The following DIP2B variants were observed in gnomAD, a reference collection of about 807,000 sequenced individuals.
The protein encoded by DIP2B is disco-interacting protein 2 homolog B.
A neutral mutation model predicts 198.0 loss-of-function variants in DIP2B; 76 were observed. That is an observed-to-expected ratio of 0.38 (90% CI 0.32 to 0.46). The LOEUF is 0.46. Among genes scored for constraint, DIP2B ranks in the 20% least tolerant of loss-of-function variants. DIP2B has a pLI of 0.99. For synonymous variants in DIP2B, 701 were observed against 739.1 expected, an observed-to-expected ratio of 0.95 and a Z score of 0.84; for missense variants, 1,559 against 1,978.4, an observed-to-expected ratio of 0.79 and a Z score of 4.02.
At chr12:50,513,171 A>G (rs1958033483) in intron 1 of DIP2B, among the ~76,000 whole-genome samples, 1 of 152,220 alleles carries the variant, frequency 6.6e-6, no homozygotes, top group African/African-American at 2.4e-5. Flanking sequence ...GGCAGTTTTT[A>G]ATATCTTGTG....
At chr12:50,563,799 T>A (rs1593612313) in intron 1 of DIP2B, among the ~76,000 whole-genome samples, 1 of 77,848 alleles carries the variant, frequency 1.3e-5, no homozygotes, top group Admixed American at 1.5e-4. Context: ...CCCAGCCTAA[T>A]TTTTTTTTTT....
chr12:50,707,643 GAGAC>G (rs1939538142), intron 21 of DIP2B, among the ~76,000 whole-genome samples: 1 of 152,152 alleles, frequency 6.6e-6, no homozygotes, highest in Non-Finnish European at 1.5e-5. Context: ...CTTGTTGTGG[GAGAC>G]AGACAGGAAC....
intron 1 of DIP2B, among the ~76,000 whole-genome samples, chr12:50,621,168 G>A (rs549098328): frequency 6.6e-6 from 1 of 152,342 alleles, no homozygotes; most frequent in Admixed American, 6.5e-5. Context: ...ACTATAAGTG[G>A]TGGCAACCAC....
intron 1 of DIP2B, among the ~76,000 whole-genome samples, chr12:50,615,326 C>T (rs1937678963): frequency 1.3e-5 from 2 of 151,920 alleles, no homozygotes; most frequent in Admixed American, 6.6e-5. Flanking sequence ...CTGTTTTGTG[C>T]ATAATAGCAT....
At chr12:50,525,103 A>T (rs1396546710) in intron 1 of DIP2B, among the ~76,000 whole-genome samples, 5 of 152,064 alleles carry the variant, frequency 3.3e-5, no homozygotes, top group African/African-American at 7.2e-5. Context: ...CACACCTGTA[A>T]TCCCAGCACT....
intron 2 of DIP2B, among the ~76,000 whole-genome samples, chr12:50,639,624 A>C (rs760543900): frequency 6.7e-6 from 1 of 149,232 alleles, no homozygotes; most frequent in Non-Finnish European, 1.5e-5. Context: ...TTTGCTTTAT[A>C]GGCTGATTCT....
In DIP2B at chr12:50,694,217, C is replaced by T. The variant is rs373721971; in HGVS notation, c.1720-1050C>T. The stretch of plus-strand genomic sequence containing the variant: ...GCATTTTAAAAGCATATACCACAGC[C>T]GGGCACTGTGACTCAGGCCTGTAAT... On this transcript the variant is annotated intron_variant, in intron 14 of 37. Coordinates refer to ENST00000301180, the MANE Select transcript of DIP2B (RefSeq NM_173602.3). Among the ~76,000 whole-genome samples, 90 of 152,210 alleles carry T rather than the reference C, an allele frequency of 5.9e-4. No individual in the cohort carries two copies. In the South Asian group the frequency reaches 0.017, roughly 28 times the overall value.
intron 1 of DIP2B, among the ~76,000 whole-genome samples, chr12:50,608,790 CTT>C (rs1354984513): frequency 2.0e-5 from 3 of 152,090 alleles, no homozygotes; most frequent in Admixed American, 1.3e-4. Flanking sequence ...ACCATATTTA[CTT>C]TTGTAAGAAT....
chr12:50,587,729 T>G (rs1958783231), intron 1 of DIP2B, among the ~76,000 whole-genome samples: 1 of 152,240 alleles, frequency 6.6e-6, no homozygotes, highest in South Asian at 2.1e-4. Context: ...AATTTGTTTT[T>G]GAAAGCTGAA....
At chr12:50,729,521 A>G (rs1272972813) in intron 30 of DIP2B, among the ~76,000 whole-genome samples, 1 of 152,006 alleles carries the variant, frequency 6.6e-6, no homozygotes, top group Non-Finnish European at 1.5e-5. Context: ...TGATCTATAA[A>G]CAGGTTTAGG....
chr12:50,545,105 C>A (rs953767053), intron 1 of DIP2B, among the ~76,000 whole-genome samples: 1 of 151,904 alleles, frequency 6.6e-6, no homozygotes, highest in African/African-American at 2.4e-5. Context: ...TTGGCTTTTG[C>A]GAATGTTTTG....
intron 9 of DIP2B, among the ~76,000 whole-genome samples, 190 bp downstream of exon 9, chr12:50,680,953 T>C (rs1424244692): frequency 6.6e-6 from 1 of 152,206 alleles, no homozygotes; most frequent in Non-Finnish European, 1.5e-5. Flanking sequence ...ATTCCTGGGT[T>C]GAAGGAAATT....
At chr12:50,624,217 A>G (rs1937886929) in intron 1 of DIP2B, among the ~76,000 whole-genome samples, 1 of 152,174 alleles carries the variant, frequency 6.6e-6, no homozygotes, top group Non-Finnish European at 1.5e-5. Context: ...AGATAAAACC[A>G]ACTGTTGATT....
intron 22 of DIP2B, among the ~76,000 whole-genome samples, chr12:50,709,188 C>T (rs1939567526): frequency 6.6e-6 from 1 of 152,178 alleles, no homozygotes; most frequent in South Asian, 2.1e-4. Context: ...GAGTTTATTT[C>T]CTAACCTGCA....
At chr12:50,593,503 CAAAACAAAAA>C (rs1408263287) in intron 1 of DIP2B, among the ~76,000 whole-genome samples, 1 of 141,390 alleles carries the variant, frequency 7.1e-6, no homozygotes, top group African/African-American at 2.6e-5. Flanking sequence ...GACTCTGTCT[CAAAACAAAAA>C]AAAAAAAGGA....
Position 50,739,441 on chromosome 12 carries a change from C to G in DIP2B, c.4209C>G (p.Gly1403=), listed in dbSNP as rs777888028. The G allele has an allele frequency of 6.2e-7, 1 of 1,613,900 alleles. No homozygotes were observed. ...IWVNSPHTAS[G]YYTIYDSETL... ...TGAACAGTCCCCATACAGCCAGCGG[C>G]TACTACACCATCTATGATAGCGAGA... Residue 1403 remains glycine, a synonymous_variant, in exon 36 of 38, where the codon GGC becomes GGG. Coordinates refer to ENST00000301180, the MANE Select transcript of DIP2B (RefSeq NM_173602.3).
chr12:50,580,484 A>T (rs1958715067), intron 1 of DIP2B, among the ~76,000 whole-genome samples: 2 of 145,540 alleles, frequency 1.4e-5, no homozygotes, highest in Admixed American at 1.4e-4. Flanking sequence ...TTTTGCAGAA[A>T]TTTTATTATC....
chr12:50,675,207 G>A (rs1018841434), intron 6 of DIP2B, 122 bp from the exon 7 acceptor site: 2 of 1,254,776 alleles, frequency 1.6e-6, no homozygotes, highest in Admixed American at 2.4e-5. Flanking sequence ...TGGTCCACTT[G>A]AAAGAGAAGG....
At chr12:50,565,678 G>A (rs1017854176) in intron 1 of DIP2B, among the ~76,000 whole-genome samples, 1 of 151,962 alleles carries the variant, frequency 6.6e-6, no homozygotes, top group South Asian at 2.1e-4. Context: ...TTTGTGTTGT[G>A]TCTTCACATC....
Sources: gnomAD v4.1 joint callset for allele counts (sites outside exome capture counted in the v4.1 genomes callset) on GRCh38, gnomAD v4.1.1 for gene constraint, MANE v1.5 for transcripts, NCBI Gene and HGNC (gene_info 2026-07-23, HGNC 2026-07-21) for gene names.